The following GPC5 variants were observed in gnomAD, a reference collection of about 807,000 sequenced individuals.
The protein encoded by GPC5 is glypican-5.
In GPC5, 47 loss-of-function variants were observed where a neutral mutation model predicts 53.9. That is an observed-to-expected ratio of 0.87 (90% confidence interval 0.69 to 1.11). The LOEUF (loss-of-function observed/expected upper bound fraction) is 1.11, where lower values mean the gene tolerates loss of function less well. Ranked by LOEUF, GPC5 falls within the 50% of genes most tolerant of loss-of-function variation. The pLI, the probability that GPC5 is intolerant of heterozygous loss-of-function variation, is 0.00. For missense variants in GPC5, 748 were observed against 713.1 expected, an observed-to-expected ratio of 1.05 and a Z score of -0.56; for synonymous variants, 286 against 263.3, an observed-to-expected ratio of 1.09 and a Z score of -0.84.
chr13:92,796,930 G>A (rs1259128555), intron 7 of GPC5, among the ~76,000 whole-genome samples: 1 of 151,758 alleles, frequency 6.6e-6, no homozygotes, highest in Non-Finnish European at 1.5e-5. Flanking sequence ...TTTTGAATCT[G>A]TTGCTTTACA....
rs2032351908 is a variant in GPC5 at position 91,581,318 on chromosome 13, G to T, written c.326-111869G>T. Among the ~76,000 whole-genome samples the T allele has an allele frequency of 3.3e-5, 5 of 152,308 alleles. No individual in the cohort carries two copies. The South Asian group carries it at 1.0e-3, about 32-fold the overall frequency. Reference sequence around the variant, plus strand: ...AAGTAGATAGGAAAGTAGAGTGGAAGAAATATAACACTATTTTGGCCCCAT... The same window carrying T: ...AAGTAGATAGGAAAGTAGAGTGGAATAAATATAACACTATTTTGGCCCCAT... On this transcript the variant is annotated intron_variant, in intron 2 of 7. Coordinates refer to ENST00000377067, the MANE Select transcript of GPC5 (RefSeq NM_004466.6).
At chr13:91,443,116 A>T (rs1880551756) in intron 1 of GPC5, among the ~76,000 whole-genome samples, 1 of 152,184 alleles carries the variant, frequency 6.6e-6, no homozygotes, top group Admixed American at 6.5e-5. Context: ...GAATTGTCTC[A>T]TATTTGGCCA....
At chr13:92,647,179 T>C (rs1885801060) in intron 7 of GPC5, among the ~76,000 whole-genome samples, 2 of 152,154 alleles carry the variant, frequency 1.3e-5, no homozygotes, top group South Asian at 4.1e-4. Context: ...AGAACAGACA[T>C]CCTTACCTTG....
chr13:92,001,215 G>A (rs2040551316), intron 6 of GPC5, among the ~76,000 whole-genome samples: 1 of 152,194 alleles, frequency 6.6e-6, no homozygotes, highest in Non-Finnish European at 1.5e-5. Flanking sequence ...AACATTACTT[G>A]AATACACACA....
chr13:92,479,859 C>T (rs962320448), intron 7 of GPC5, among the ~76,000 whole-genome samples: 12 of 152,098 alleles, frequency 7.9e-5, no homozygotes, highest in Non-Finnish European at 1.5e-4. Flanking sequence ...AAAGATTAGC[C>T]TTATGTGTGT....
At chr13:91,560,535 G>T (rs146143493) in intron 2 of GPC5, among the ~76,000 whole-genome samples, 87 of 152,170 alleles carry the variant, frequency 5.7e-4, no homozygotes, top group African/African-American at 2.0e-3. Flanking sequence ...AGGGATTTGG[G>T]GCAGTTGCTA....
chr13:92,239,563 G>T (rs934954268), intron 7 of GPC5, among the ~76,000 whole-genome samples: 1 of 151,870 alleles, frequency 6.6e-6, no homozygotes, highest in Non-Finnish European at 1.5e-5. Flanking sequence ...ATATAAATTT[G>T]TCCTTGAAAT....
chr13:92,383,002 CAAAAAAAA>C (rs57654180), intron 7 of GPC5, among the ~76,000 whole-genome samples: 1 of 94,792 alleles, frequency 1.1e-5, no homozygotes. Context: ...GACTCCGTCT[CAAAAAAAA>C]AAAAAAAAAA....
At chr13:91,797,900 T>C (rs2038072449) in intron 5 of GPC5, among the ~76,000 whole-genome samples, 1 of 152,218 alleles carries the variant, frequency 6.6e-6, no homozygotes, top group Non-Finnish European at 1.5e-5. Context: ...GACACATAGC[T>C]ACAGCTTTTG....
At chr13:92,372,683 A>G (rs1049008391) in intron 7 of GPC5, among the ~76,000 whole-genome samples, 5 of 151,616 alleles carry the variant, frequency 3.3e-5, no homozygotes, top group African/African-American at 1.2e-4. Flanking sequence ...TTTCTGTCCT[A>G]TTTTTCTGTA....
In GPC5 at chr13:91,907,941, A is replaced by G; in HGVS notation, c.1285A>G (p.Thr429Ala). ...CTTTCACATTTCCCTTGCTAGTTAT[A>G]CTCAGCGTGTGGTTGGAAATGGAAT... ...WNGEDIVKSY[T>A]QRVVGNGIKA... The change falls in exon 6 of 8, where the codon ACT becomes GCT. Residue 429 changes from threonine to alanine, a missense_variant. Coordinates refer to ENST00000377067, the MANE Select transcript of GPC5 (RefSeq NM_004466.6). 6.3e-7 allele frequency: 1 copy of G among 1,594,886 alleles called. No individual in the cohort carries two copies. Among genetic ancestry groups the G allele is most frequent in the South Asian group, 1.1e-5 (1 of 90,952 alleles).
At position 92,758,994 on chromosome 13, in the gene GPC5, G is replaced by GTTTTTTTTTTTTTTT. The variant is rs68182839; in HGVS notation, c.1562-107277_1562-107263dup. Among the ~76,000 whole-genome samples the GTTTTTTTTTTTTTTT allele has an allele frequency of 1.6e-4, 11 of 70,572 alleles. 1 individual carries two copies. The highest frequency in any genetic ancestry group is 2.0e-4 in the African/African-American group (3 of 14,752). The allele number at this position is 70,572 out of a possible 152,430, so 46.3% of individuals were successfully genotyped here. ...CAGAGAATATCCTTTTCCCATTGCG[G>GTTTTTTTTTTTTTTT]TTTTTTTTTTTTTTTTTTTTTTTTT... is the stretch of plus-strand genomic sequence containing the variant. On this transcript the variant is annotated intron_variant, in intron 7 of 7. Coordinates refer to ENST00000377067, the MANE Select transcript of GPC5 (RefSeq NM_004466.6).
At chr13:92,643,239 T>A (rs1182159449) in intron 7 of GPC5, among the ~76,000 whole-genome samples, 1 of 152,114 alleles carries the variant, frequency 6.6e-6, no homozygotes, top group Non-Finnish European at 1.5e-5. Context: ...TTAGATCCCA[T>A]TTGTCAATTT....
intron 5 of GPC5, among the ~76,000 whole-genome samples, chr13:91,851,538 T>C (rs979918382): frequency 1.3e-5 from 2 of 151,592 alleles, no homozygotes; most frequent in African/African-American, 4.8e-5. Flanking sequence ...TTAGGGTACA[T>C]GTGCACATTG....
At chr13:92,685,025 A>G (rs1487480120) in intron 7 of GPC5, among the ~76,000 whole-genome samples, 1 of 152,172 alleles carries the variant, frequency 6.6e-6, no homozygotes, top group Non-Finnish European at 1.5e-5. Context: ...ATTTACCATT[A>G]GTAGTATGCT....
intron 7 of GPC5, among the ~76,000 whole-genome samples, chr13:92,364,108 A>T (rs1187960246): frequency 2.0e-5 from 3 of 151,776 alleles, no homozygotes; most frequent in Non-Finnish European, 4.4e-5. Context: ...GCTACACTGT[A>T]TGTCAGAAAT....
intron 7 of GPC5, among the ~76,000 whole-genome samples, chr13:92,587,059 C>T (rs1015293944): frequency 1.3e-5 from 2 of 152,096 alleles, no homozygotes; most frequent in African/African-American, 4.8e-5. Flanking sequence ...AAAACATCTC[C>T]ATCAGCATCT....
At chr13:91,566,137 G>A (rs1451727803) in intron 2 of GPC5, among the ~76,000 whole-genome samples, 1 of 152,106 alleles carries the variant, frequency 6.6e-6, no homozygotes, top group East Asian at 1.9e-4. Context: ...TAGGCTTCAA[G>A]TGGACATATC....
intron 7 of GPC5, among the ~76,000 whole-genome samples, chr13:92,703,256 A>T (rs540795904): frequency 2.7e-3 from 404 of 151,916 alleles, no homozygotes; most frequent in Non-Finnish European, 3.8e-3. Context: ...TAAATTAATT[A>T]AAAATAGAGA....
Sources: gnomAD v4.1 joint callset for allele counts (sites outside exome capture counted in the v4.1 genomes callset) on GRCh38, gnomAD v4.1.1 for gene constraint, MANE v1.5 for transcripts, NCBI Gene and HGNC (gene_info 2026-07-23, HGNC 2026-07-21) for gene names.